The following ARHGAP42 variants were observed in gnomAD, a reference collection of about 807,000 sequenced individuals.
ARHGAP42 encodes the protein Rho GTPase activating protein 42.
Under a neutral mutation model 125.0 loss-of-function variants are expected in ARHGAP42, and 63 were observed. The ratio of observed to expected loss-of-function variants is 0.50; its 90% CI spans 0.41 to 0.62. The LOEUF (loss-of-function observed/expected upper bound fraction) is 0.62. Ranked by LOEUF, ARHGAP42 falls within the 20% of genes least tolerant of loss-of-function variation. ARHGAP42 has a pLI of 0.00. For missense variants in ARHGAP42, 766 were observed against 1,024.2 expected, an observed-to-expected ratio of 0.75 and a Z score of 3.44; for synonymous variants, 339 against 351.0, an observed-to-expected ratio of 0.97 and a Z score of 0.38.
rs1244091067 is a variant in ARHGAP42, at chr11:100,991,393, AACCTT to A, written c.*2594_*2598del. The A allele has an allele frequency of 6.6e-6, 1 of 151,744 alleles. No homozygotes were observed. Among genetic ancestry groups the A allele is most frequent in the East Asian group, 1.9e-4 (1 of 5,190 alleles). 9.4% of individuals were successfully genotyped at this position (151,744 alleles called of 1,614,324 possible). Reference sequence around the variant, plus strand: ...ACTTTTAATAGTAGTTCAATAACAAAACCTTAGCTTTTCAGGAACAATGTGAAGAT... The same window carrying A: ...ACTTTTAATAGTAGTTCAATAACAAAAGCTTTTCAGGAACAATGTGAAGAT... On this transcript the variant is annotated 3_prime_UTR_variant, in exon 24 of 24. Transcript: ENST00000298815.
At chr11:100,839,028 A>G (rs1162213219) in intron 3 of ARHGAP42, among the ~76,000 whole-genome samples, 1 of 151,742 alleles carries the variant, frequency 6.6e-6, no homozygotes, top group Non-Finnish European at 1.5e-5. Context: ...TACTACTTCT[A>G]TGTATTATGT....
chr11:100,885,551 A>G (rs548655609), intron 4 of ARHGAP42, among the ~76,000 whole-genome samples: 2 of 152,282 alleles, frequency 1.3e-5, no homozygotes, highest in South Asian at 4.1e-4. Context: ...GCTTTTGACT[A>G]TGTGTCTGTA....
At chr11:100,692,013 GAAAT>G (rs149618873) in intron 1 of ARHGAP42, among the ~76,000 whole-genome samples, 33,134 of 151,794 alleles carry the variant, frequency 0.22, 3,777 homozygotes, top group Non-Finnish European at 0.25. Context: ...AATAAAAAAA[GAAAT>G]AAATAGCAAG....
At chr11:100,897,690 T>C (rs1358686416) in intron 4 of ARHGAP42, among the ~76,000 whole-genome samples, 2 of 152,242 alleles carry the variant, frequency 1.3e-5, no homozygotes, top group Non-Finnish European at 2.9e-5. Flanking sequence ...ACATTGATTA[T>C]GTATCCTGAG....
chr11:100,783,462 A>C (rs1048904458), intron 2 of ARHGAP42, among the ~76,000 whole-genome samples: 5 of 152,112 alleles, frequency 3.3e-5, no homozygotes, highest in Non-Finnish European at 4.4e-5. Flanking sequence ...AAAAATCAAC[A>C]GTAGACTTGT....
At chr11:100,845,104 CAT>C (rs554004900) in intron 3 of ARHGAP42, among the ~76,000 whole-genome samples, 2,581 of 151,966 alleles carry the variant, frequency 0.017, 57 homozygotes, top group African/African-American at 0.053. Flanking sequence ...CACACACACA[CAT>C]GTATACATAT....
chr11:100,891,937 G>A (rs1866230007), intron 4 of ARHGAP42, among the ~76,000 whole-genome samples: 2 of 152,170 alleles, frequency 1.3e-5, no homozygotes, highest in Non-Finnish European at 2.9e-5. Flanking sequence ...AGCTAGCAGG[G>A]GAAAGGAGGG....
intron 4 of ARHGAP42, among the ~76,000 whole-genome samples, chr11:100,899,762 A>G (rs1316423221): frequency 9.7e-6 from 1 of 103,504 alleles, no homozygotes; most frequent in Non-Finnish European, 2.0e-5. Flanking sequence ...TTTGCTTTGT[A>G]GATCTTCCTC....
chr11:100,794,676 G>A (rs1199281613), intron 2 of ARHGAP42, among the ~76,000 whole-genome samples: 2 of 152,150 alleles, frequency 1.3e-5, no homozygotes, highest in Admixed American at 6.6e-5. Context: ...ATTACTGGCT[G>A]CTACTAAGTA....
chr11:100,854,564 A>C (rs539242852), intron 3 of ARHGAP42, among the ~76,000 whole-genome samples: 1 of 152,186 alleles, frequency 6.6e-6, no homozygotes, highest in South Asian at 2.1e-4. Context: ...TCAGTCCTTG[A>C]CTTCTGATTA....
intron 3 of ARHGAP42, among the ~76,000 whole-genome samples, chr11:100,832,941 A>G (rs1864696519): frequency 1.3e-5 from 2 of 152,208 alleles, no homozygotes; most frequent in African/African-American, 2.4e-5. Flanking sequence ...TTCCTTTTTC[A>G]GTGGCAAAGA....
intron 3 of ARHGAP42, among the ~76,000 whole-genome samples, chr11:100,849,174 ATGT>A (rs1865143209): frequency 6.6e-6 from 1 of 152,124 alleles, no homozygotes; most frequent in South Asian, 2.1e-4. Flanking sequence ...AATTTTTTTA[ATGT>A]TGTTTGTCAT....
chr11:100,730,291 T>C (rs1032960151), intron 1 of ARHGAP42, among the ~76,000 whole-genome samples: 1 of 152,174 alleles, frequency 6.6e-6, no homozygotes, highest in Admixed American at 6.5e-5. Flanking sequence ...TTTATCTTTC[T>C]ACTCTCTGCT....
At position 100,939,397 on chromosome 11, in the gene ARHGAP42, A is replaced by G. The variant is rs146456554; in HGVS notation, c.833-2387A>G. On this transcript the variant is annotated intron_variant, in intron 8 of 23. Coordinates refer to ENST00000298815, the MANE Select transcript of ARHGAP42 (RefSeq NM_152432.4). ...CTATTGGGTTCTTACTATTCTTTGTAATTTATATTTATCTCATTTAATTCT... is the reference window on the plus strand; with the variant it reads ...CTATTGGGTTCTTACTATTCTTTGTGATTTATATTTATCTCATTTAATTCT... Among the ~76,000 whole-genome samples, 593 of 152,212 alleles carry G rather than the reference A, an allele frequency of 3.9e-3. 3 individuals carry two copies. Among genetic ancestry groups the G allele is most frequent in the African/African-American group, 0.014 (567 of 41,536 alleles).
At chr11:100,850,823 C>T (rs1018087860) in intron 3 of ARHGAP42, among the ~76,000 whole-genome samples, 4 of 151,218 alleles carry the variant, frequency 2.6e-5, no homozygotes, top group African/African-American at 9.7e-5. Context: ...TCTACTCTAG[C>T]ACTGGTGACA....
intron 3 of ARHGAP42, among the ~76,000 whole-genome samples, chr11:100,852,827 C>T (rs1865236919): frequency 6.6e-6 from 1 of 152,108 alleles, no homozygotes; most frequent in African/African-American, 2.4e-5. Context: ...CTAATTGTGC[C>T]ACCAGAGGTA....
At chr11:100,893,837 T>C (rs1866280113) in intron 4 of ARHGAP42, among the ~76,000 whole-genome samples, 1 of 152,162 alleles carries the variant, frequency 6.6e-6, no homozygotes, top group South Asian at 2.1e-4. Context: ...ACAGAATTGA[T>C]AGAAATATTT....
At chr11:100,751,277 G>GTTTTTTTTTTTTTTT (rs756243174) in intron 1 of ARHGAP42, among the ~76,000 whole-genome samples, 11 of 121,670 alleles carry the variant, frequency 9.0e-5, no homozygotes, top group Non-Finnish European at 1.3e-4. Context: ...GTGTGTGTGT[G>GTTTTTTTTTTTTTTT]TGTTTTTTTT....
chr11:100,880,512 G>A (rs957001023), intron 4 of ARHGAP42, among the ~76,000 whole-genome samples: 2 of 152,104 alleles, frequency 1.3e-5, no homozygotes, highest in African/African-American at 4.8e-5. Flanking sequence ...ATGGGCATTT[G>A]GGTTGGTTCC....
Sources: gnomAD v4.1 joint callset for allele counts (sites outside exome capture counted in the v4.1 genomes callset) on GRCh38, gnomAD v4.1.1 for gene constraint, MANE v1.5 for transcripts, NCBI Gene and HGNC (gene_info 2026-07-23, HGNC 2026-07-21) for gene names.